Variants in TCF4 observed in about 807,000 individuals in gnomAD.
The protein encoded by TCF4 is transcription factor 4, also known as SL3-3 enhancer factor 2.
TCF4 carries 3 observed loss-of-function variants against 82.1 expected under a neutral mutation model. That is an observed-to-expected ratio of 0.04 (90% CI 0.02 to 0.09). TCF4 has a LOEUF of 0.09. Among genes scored for constraint, TCF4 ranks in the 10% least tolerant of loss-of-function variants. TCF4 has a pLI of 1.00. For missense variants in TCF4, 518 were observed against 852.7 expected (o/e 0.61, Z 4.89); for synonymous variants, 276 against 309.6 (o/e 0.89, Z 1.14).
chr18:55,392,414 T>A (rs988599926), intron 6 of TCF4, among the ~76,000 whole-genome samples: 1 of 149,844 alleles, frequency 6.7e-6, no homozygotes, highest in African/African-American at 2.5e-5. Context: ...AGCCCAGGGG[T>A]TTGAGTCCCA....
In TCF4 at chr18:55,351,002, T is replaced by C; in HGVS notation, c.371A>G (p.Gln124Arg). The C allele has an allele frequency of 1.2e-6, 2 of 1,613,228 alleles. No homozygotes were observed. Among genetic ancestry groups the C allele is most frequent in the South Asian group, 1.1e-5 (1 of 91,064 alleles). Residue 124 changes from glutamine (Q) to arginine (R), a missense_variant and splice_region_variant, in exon 7 of 20, where the codon CAG (glutamine) becomes CGG (arginine). Around this residue, in one of 7 missense-constraint regions of TCF4, gnomAD observed 80 missense variants for 93.8 expected, o/e 0.85. Coordinates refer to ENST00000354452, the MANE Select transcript of TCF4 (RefSeq NM_001083962.2). The stretch of plus-strand genomic sequence containing the variant: ...ATCCATGTCACCTCCAAGGAGACTC[T>C]GCTAAAAGGTTAAAAAGGGAAAACA... ...RESNLQGCHQ[Q>R]SLLGGDMDMG...
chr18:55,536,677 G>A (rs183306299), intron 3 of TCF4, among the ~76,000 whole-genome samples: 46 of 152,250 alleles, frequency 3.0e-4, no homozygotes, highest in South Asian at 1.2e-3. Flanking sequence ...AAAGACTGCC[G>A]ATAGAAACAA....
intron 3 of TCF4, among the ~76,000 whole-genome samples, chr18:55,570,494 T>C (rs1449826281): frequency 6.6e-6 from 1 of 151,232 alleles, no homozygotes; most frequent in Non-Finnish European, 1.5e-5. Context: ...CAATAGAAAA[T>C]GGGGGCGGGG....
At chr18:55,257,657 T>G (rs1038076545) in intron 13 of TCF4, among the ~76,000 whole-genome samples, 1 of 152,114 alleles carries the variant, frequency 6.6e-6, no homozygotes, top group Non-Finnish European at 1.5e-5. Context: ...TGAATTTTGG[T>G]AAGAAGGGTT....
chr18:55,468,371 A>G (rs146671156), intron 3 of TCF4, among the ~76,000 whole-genome samples: 51 of 152,292 alleles, frequency 3.3e-4, no homozygotes, highest in African/African-American at 1.1e-3. Flanking sequence ...AAAACACACA[A>G]AGTGTCCAGG....
intron 8 of TCF4, 61 bp downstream of exon 8, chr18:55,350,298 C>G: frequency 6.5e-7 from 1 of 1,532,266 alleles, no homozygotes. Flanking sequence ...CTATCTCCTT[C>G]CCATCAATAC....
At chr18:55,475,640 TA>T (rs1421736300) in intron 3 of TCF4, among the ~76,000 whole-genome samples, 1 of 152,220 alleles carries the variant, frequency 6.6e-6, no homozygotes, top group Non-Finnish European at 1.5e-5. Flanking sequence ...GTACCACTCT[TA>T]GACAAGCGAT....
chr18:55,486,564 C>T (rs761361227), intron 3 of TCF4, among the ~76,000 whole-genome samples: 5 of 152,058 alleles, frequency 3.3e-5, no homozygotes, highest in Non-Finnish European at 5.9e-5. Context: ...TGCACTCCAG[C>T]GTGGGTGACA....
exon 1 of TCF4, chr18:55,635,924 G>A (rs1189298639): frequency 1.3e-6 from 2 of 1,576,658 alleles, no homozygotes; most frequent in East Asian, 2.3e-5. Flanking sequence ...CCGCATAAGT[G>A]CCAATCTACA....
upstream of TCF4, among the ~76,000 whole-genome samples, chr18:55,593,390 G>C (rs1046501415): frequency 6.6e-6 from 1 of 152,182 alleles, no homozygotes; most frequent in Non-Finnish European, 1.5e-5. Context: ...TATTGCATGA[G>C]CTGAATTAAT....
At chr18:55,535,201 C>T (rs775095878) in intron 3 of TCF4, among the ~76,000 whole-genome samples, 3 of 152,196 alleles carry the variant, frequency 2.0e-5, no homozygotes, top group South Asian at 2.1e-4. Context: ...TTTCAGGGTT[C>T]GTGCTCTCTT....
At chr18:55,261,372 GC>G (rs1600570199) in intron 12 of TCF4, 93 bp downstream of exon 12, 4 of 1,453,318 alleles carry the variant, frequency 2.8e-6, no homozygotes. Context: ...AAAGCTATTT[GC>G]CATTCATTTT....
rs554204121 is a variant in TCF4, at chr18:55,376,222, C to G, written c.370-25219G>C. ...TCTATTTTTATTAGAGACAGGGTCTCACCATGTTGCCCAGGCTGGTCTTGA... is the reference window on the plus strand; with the variant it reads ...TCTATTTTTATTAGAGACAGGGTCTGACCATGTTGCCCAGGCTGGTCTTGA... On this transcript the variant is annotated intron_variant, in intron 6 of 19. Transcript: ENST00000354452. 1.8e-4 allele frequency among the ~76,000 whole-genome samples: 27 copies of G among 152,106 alleles called. No homozygotes were observed. In the East Asian group the frequency reaches 4.6e-3, roughly 26 times the overall value.
chr18:55,458,909 C>A (rs954065587), intron 5 of TCF4, among the ~76,000 whole-genome samples: 15 of 152,232 alleles, frequency 9.9e-5, no homozygotes, highest in African/African-American at 3.4e-4. Flanking sequence ...TCTGACACTG[C>A]GCCGTTAATG....
chr18:55,285,396 G>A (rs974644437), intron 8 of TCF4, among the ~76,000 whole-genome samples: 1 of 152,062 alleles, frequency 6.6e-6, no homozygotes, highest in African/African-American at 2.4e-5. Context: ...TCTGTCATGG[G>A]CCCTCAATAA....
intron 3 of TCF4, chr18:55,510,486 C>T: frequency 2.1e-6 from 2 of 962,606 alleles, no homozygotes; most frequent in Non-Finnish European, 1.4e-6. Context: ...CAAATATGTC[C>T]AGCAATTCAA....
rs376776361 is a variant in TCF4, at chr18:55,359,136, C to T, written c.370-8133G>A. On this transcript the variant is annotated intron_variant, in intron 6 of 19. Transcript: ENST00000354452. ...ACATGTGAGGCTGTAGAACAGCATG[C>T]CCGCTTGGACAACTGAAATTTCAGT... Among the ~76,000 whole-genome samples the T allele has an allele frequency of 2.6e-5, 4 of 152,096 alleles. No homozygotes were observed. The South Asian group carries it at 6.2e-4, about 24-fold the overall frequency.
intron 2 of TCF4, among the ~76,000 whole-genome samples, chr18:55,601,692 G>A (rs35178579): frequency 0.14 from 21,736 of 152,108 alleles, 2,021 homozygotes; most frequent in Admixed American, 0.28. Context: ...GCTGAGGCAG[G>A]AGAATCACTT....
chr18:55,551,536 C>G (rs983044398), intron 3 of TCF4: 4 of 152,470 alleles, frequency 2.6e-5, no homozygotes, highest in Non-Finnish European at 5.9e-5. Flanking sequence ...CTCTTCAGCA[C>G]CACCCAGGAC....
Sources: gnomAD v4.1 joint callset for allele counts (sites outside exome capture counted in the v4.1 genomes callset) on GRCh38, gnomAD v4.1.1 for gene constraint, gnomAD v4.1.1 regional missense constraint, MANE v1.5 for transcripts, NCBI Gene and HGNC (gene_info 2026-07-23, HGNC 2026-07-21) for gene names.